FOXB1: variants seen among roughly 807,000 people sequenced by gnomAD.
FOXB1 encodes forkhead box protein B1.
Under a neutral mutation model 18.6 loss-of-function variants are expected in FOXB1, and 6 were observed. That is an observed-to-expected ratio of 0.32 (90% CI 0.18 to 0.64). The LOEUF (loss-of-function observed/expected upper bound fraction) is 0.64. FOXB1 is among the 30% of genes least tolerant of loss of function. The probability of loss-of-function intolerance (pLI) is 0.78; values close to 1 mark genes in which losing one functional copy is unlikely to be tolerated. For missense variants in FOXB1, 419 were observed against 463.6 expected (o/e 0.90, Z 0.88); for synonymous variants, 213 against 216.0 (o/e 0.99, Z 0.12).
chr15:60,005,871 G>T lies in FOXB1; in HGVS notation c.908G>T (p.Ser303Ile). The T allele has an allele frequency of 6.3e-7, 1 of 1,597,958 alleles. No homozygotes were observed. Among genetic ancestry groups the T allele is most frequent in the Non-Finnish European group, 8.5e-7 (1 of 1,173,894 alleles). ...TCCTCGCAAACAGCCACCAGCCAAAGCAGCCCCGCCACCCCCAGCGAAACG... is the reference window on the plus strand; with the variant it reads ...TCCTCGCAAACAGCCACCAGCCAAATCAGCCCCGCCACCCCCAGCGAAACG... ...PTSSQTATSQ[S>I]SPATPSETLT... Residue 303 changes from serine (S) to isoleucine (I), a missense_variant, in exon 2 of 2, where the codon AGC becomes ATC. By Grantham distance (142) the Ser-to-Ile change is moderately radical. Transcript: ENST00000396057. This position sits in a 1 kb window ranked among gnomAD's most constrained non-coding sequence, Gnocchi z 9.8.
In FOXB1 at chr15:60,005,056, G is replaced by A. The variant is rs764104037; in HGVS notation, c.93G>A (p.Glu31=). 1.2e-6 allele frequency: 2 copies of A among 1,607,370 alleles called. No individual in the cohort carries two copies. The highest frequency in any genetic ancestry group is 1.4e-5 in the African/African-American group (1 of 72,558). The change falls in exon 2 of 2, where the codon GAG becomes GAA. Residue 31 remains glutamate (E), a synonymous_variant. Coordinates refer to ENST00000396057, the MANE Select transcript of FOXB1 (RefSeq NM_012182.3). The surrounding 1 kb of genome is among the most constrained non-coding windows in gnomAD (Gnocchi z 9.8). ...CTATGGCCATCCAGAGCTCTCCCGA[G>A]AAGATGCTGCCGCTGAGCGAGATCT... is the stretch of plus-strand genomic sequence containing the variant. The part of the protein sequence containing the change: ...LTAMAIQSSP[E]KMLPLSEIYK...
At position 60,005,908 on chromosome 15, in the gene FOXB1, G is replaced by A; in HGVS notation, c.945G>A (p.Pro315=). 6.3e-7 allele frequency: 1 copy of A among 1,593,050 alleles called. No homozygotes were observed. The highest frequency in any genetic ancestry group is 8.5e-7 in the Non-Finnish European group (1 of 1,173,442). ...PATPSETLTS[P]ASALHSVAVH ...CCCCCAGCGAAACGCTCACCAGCCC[G>A]GCCTCCGCCTTGCACTCGGTGGCGG... Residue 315 remains proline, a synonymous_variant, in exon 2 of 2, where the codon CCG becomes CCA. Transcript: ENST00000396057. This position sits in a 1 kb window ranked among gnomAD's most constrained non-coding sequence, Gnocchi z 9.8.
At chr15:60,004,825 A>C in intron 1 of FOXB1, 82 bp from the exon 2 acceptor site, 1 of 187,192 alleles carries the variant, frequency 5.3e-6, no homozygotes, top group South Asian at 6.6e-5. Context: ...CGACCCCCGA[A>C]GTCTGTTACT....
At position 60,006,042 on chromosome 15, in the gene FOXB1, A is replaced by C; in HGVS notation, c.*101A>C. On this transcript the variant is annotated 3_prime_UTR_variant, in exon 2 of 2. Coordinates refer to ENST00000396057, the MANE Select transcript of FOXB1 (RefSeq NM_012182.3). ...GCCCCCACCTGGGACCGCCACCCTA[A>C]CTTGTTCATTTCACCTTCGGCCAAC... 5.2e-6 allele frequency: 7 copies of C among 1,351,338 alleles called. No homozygotes were observed. Among genetic ancestry groups the C allele is most frequent in the East Asian group, 2.6e-5 (1 of 38,064 alleles). The allele number at this position is 1,351,338 out of a possible 1,614,324, so 83.7% of individuals were successfully genotyped here.
Position 60,005,866 on chromosome 15 carries a change from C to G in FOXB1, c.903C>G (p.Ser301Arg), listed in dbSNP as rs748401698. ...CCACGTCCTCGCAAACAGCCACCAG[C>G]CAAAGCAGCCCCGCCACCCCCAGCG... ...LSPTSSQTAT[S>R]QSSPATPSET... Residue 301 changes from serine to arginine, a missense_variant, in exon 2 of 2, where the codon AGC (serine) becomes AGG (arginine). Coordinates refer to ENST00000396057, the MANE Select transcript of FOXB1 (RefSeq NM_012182.3). The surrounding 1 kb of genome is among the most constrained non-coding windows in gnomAD (Gnocchi z 9.8). 6.3e-7 allele frequency: 1 copy of G among 1,598,574 alleles called. No homozygotes were observed. Among genetic ancestry groups the G allele is most frequent in the Non-Finnish European group, 8.5e-7 (1 of 1,174,058 alleles).
At position 60,005,454 on chromosome 15, in the gene FOXB1, C is replaced by T. The variant is rs778397679; in HGVS notation, c.491C>T (p.Ser164Leu). ...AYNLGGVAQPSGFKHPFAIEN... is the reference protein window; with the variant it reads ...AYNLGGVAQPLGFKHPFAIEN... ...AACTTGGGCGGCGTGGCGCAGCCCT[C>T]GGGCTTCAAGCACCCCTTCGCCATC... The change falls in exon 2 of 2, where the codon TCG (serine) becomes TTG (leucine). Residue 164 changes from serine to leucine, a missense_variant. Transcript: ENST00000396057. This position sits in a 1 kb window ranked among gnomAD's most constrained non-coding sequence, Gnocchi z 9.8. The T allele has an allele frequency of 6.2e-7, 1 of 1,611,440 alleles. No individual in the cohort carries two copies. The highest frequency in any genetic ancestry group is 8.5e-7 in the Non-Finnish European group (1 of 1,179,446).
rs1892105381 is a variant in FOXB1 at position 60,006,817 on chromosome 15, G to A, written c.*876G>A. 6.6e-6 allele frequency: 1 copy of A among 151,820 alleles called. No individual in the cohort carries two copies. The highest frequency in any genetic ancestry group is 2.4e-5 in the African/African-American group (1 of 41,294). 9.4% of individuals were successfully genotyped at this position (151,820 alleles called of 1,614,324 possible). A position where few individuals can be genotyped will look rare whatever the true frequency, so the allele number is the denominator to read the frequency against. ...AATGTTTACTCTTCATTTCTGGCCA[G>A]GTTTAGAAAGGGAGGGAAGTGGGGA... On this transcript the variant is annotated 3_prime_UTR_variant, in exon 2 of 2. Transcript: ENST00000396057.
rs886294884 is a variant in FOXB1 at position 60,006,687 on chromosome 15, T to C, written c.*746T>C. 2.0e-5 allele frequency: 3 copies of C among 152,204 alleles called. No homozygotes were observed. The highest frequency in any genetic ancestry group is 4.4e-5 in the Non-Finnish European group (3 of 68,034). 9.4% of individuals were successfully genotyped at this position (152,204 alleles called of 1,614,324 possible). A position where few individuals can be genotyped will look rare whatever the true frequency, so the allele number is the denominator to read the frequency against. On this transcript the variant is annotated 3_prime_UTR_variant, in exon 2 of 2. Coordinates refer to ENST00000396057, the MANE Select transcript of FOXB1 (RefSeq NM_012182.3). The stretch of plus-strand genomic sequence containing the variant: ...CAAAACAAAACTAAAAGTAACCTTG[T>C]ATTGTTTACAAAGCGCCCAGTAATA...
At position 60,005,479 on chromosome 15, in the gene FOXB1, C is replaced by T; in HGVS notation, c.516C>T (p.Ile172=). 1 of 1,612,056 alleles carries T rather than the reference C, an allele frequency of 6.2e-7. No individual in the cohort carries two copies. Residue 172 remains isoleucine (I), a synonymous_variant, in exon 2 of 2, where the codon ATC becomes ATT. Transcript: ENST00000396057. The surrounding 1 kb of genome is among the most constrained non-coding windows in gnomAD (Gnocchi z 9.8). ...QPSGFKHPFA[I]ENIIAREYKM... is the part of the protein sequence containing the mutation. ...CGGGCTTCAAGCACCCCTTCGCCAT[C>T]GAGAACATCATCGCGCGGGAATACA...
chr15:60,005,044 G>C lies in FOXB1; in HGVS notation c.81G>C (p.Gln27His), dbSNP rs141578799. ...TCTCGCTGACCGCTATGGCCATCCA[G>C]AGCTCTCCCGAGAAGATGCTGCCGC... Reference protein sequence around the residue: ...SYISLTAMAIQSSPEKMLPLS... With the variant: ...SYISLTAMAIHSSPEKMLPLS... Residue 27 changes from glutamine (Q) to histidine (H), a missense_variant, in exon 2 of 2, where the codon CAG becomes CAC. Gln to His is a conservative substitution (Grantham distance 24). Coordinates refer to ENST00000396057, the MANE Select transcript of FOXB1 (RefSeq NM_012182.3). The surrounding 1 kb of genome is among the most constrained non-coding windows in gnomAD (Gnocchi z 9.8). 51 of 1,613,968 alleles carry C rather than the reference G, an allele frequency of 3.2e-5. No individual in the cohort carries two copies. The highest frequency in any genetic ancestry group is 3.8e-5 in the Non-Finnish European group (45 of 1,180,016).
In FOXB1 at chr15:60,005,959, C is replaced by A; in HGVS notation, c.*18C>A. On this transcript the variant is annotated 3_prime_UTR_variant, in exon 2 of 2. Coordinates refer to ENST00000396057, the MANE Select transcript of FOXB1 (RefSeq NM_012182.3). The surrounding 1 kb of genome is among the most constrained non-coding windows in gnomAD (Gnocchi z 9.8). ...TGCACTGACCCGCAGGAGCCCACGC[C>A]CCCTCTCGTTCTCCTCCCCACCACC... 1 of 1,562,098 alleles carries A rather than the reference C, an allele frequency of 6.4e-7. No individual in the cohort carries two copies. The highest frequency in any genetic ancestry group is 8.6e-7 in the Non-Finnish European group (1 of 1,159,356).
In FOXB1 at chr15:60,005,705, C is replaced by G. The variant is rs760971804; in HGVS notation, c.742C>G (p.Leu248Val). 2 of 1,604,976 alleles carry G rather than the reference C, an allele frequency of 1.2e-6. No individual in the cohort carries two copies. Residue 248 changes from leucine to valine, a missense_variant, in exon 2 of 2, where the codon CTG becomes GTG. By Grantham distance (32) the Leu-to-Val change is conservative. This residue lies in a region of FOXB1 where 195 missense variants were observed against 179.8 expected (regional missense o/e 1.08). Coordinates refer to ENST00000396057, the MANE Select transcript of FOXB1 (RefSeq NM_012182.3). This position sits in a 1 kb window ranked among gnomAD's most constrained non-coding sequence, Gnocchi z 9.8. ...YSAYGVPLKP[L>V]CHAAGQTLPA... is the part of the protein sequence containing the mutation. ...CGCCTACGGCGTGCCGTTGAAGCCG[C>G]TGTGCCACGCGGCGGGCCAAACGCT...
At position 60,006,076 on chromosome 15, in the gene FOXB1, CCCCAAGAGAACTTTGTTTTGGA is replaced by C; in HGVS notation, c.*140_*161del. 3.4e-6 allele frequency: 4 copies of C among 1,173,332 alleles called. No individual in the cohort carries two copies. Among genetic ancestry groups the C allele is most frequent in the Non-Finnish European group, 4.6e-6 (4 of 864,294 alleles). The allele number at this position is 1,173,332 out of a possible 1,614,324, so 72.7% of individuals were successfully genotyped here. On this transcript the variant is annotated 3_prime_UTR_variant, in exon 2 of 2. Transcript: ENST00000396057. ...TTTCACCTTCGGCCAACCCGCCTTG[CCCCAAGAGAACTTTGTTTTGGA>C]CCCAGGAGACCAAACACAAACTTGC...
In FOXB1 at chr15:60,005,849, T is replaced by C. The variant is rs750900043; in HGVS notation, c.886T>C (p.Ser296Pro). The C allele has an allele frequency of 8.7e-6, 14 of 1,601,590 alleles. No homozygotes were observed. Among genetic ancestry groups the C allele is most frequent in the Middle Eastern group, 3.3e-4 (2 of 6,044 alleles). ...NSPPSLSPTS[S>P]QTATSQSSPA... The stretch of plus-strand genomic sequence containing the variant: ...GCCGCCCTCGCTCAGCCCCACGTCC[T>C]CGCAAACAGCCACCAGCCAAAGCAG... Residue 296 changes from serine to proline, a missense_variant, in exon 2 of 2, where the codon TCG (serine) becomes CCG (proline). Ser to Pro is a moderately conservative substitution (Grantham distance 74). Coordinates refer to ENST00000396057, the MANE Select transcript of FOXB1 (RefSeq NM_012182.3). This position sits in a 1 kb window ranked among gnomAD's most constrained non-coding sequence, Gnocchi z 9.8.
At position 60,005,744 on chromosome 15, in the gene FOXB1, G is replaced by T; in HGVS notation, c.781G>T (p.Val261Leu). The T allele has an allele frequency of 1.2e-6, 2 of 1,602,516 alleles. No individual in the cohort carries two copies. Among genetic ancestry groups the T allele is most frequent in the Non-Finnish European group, 1.7e-6 (2 of 1,177,948 alleles). ...AAGQTLPAIPVPIKPTPAAVP... is the reference protein window; with the variant it reads ...AAGQTLPAIPLPIKPTPAAVP... ...GGGCCAAACGCTGCCCGCCATCCCC[G>T]TGCCCATTAAGCCCACGCCGGCCGC... The change falls in exon 2 of 2, where the codon GTG becomes TTG. Residue 261 changes from valine to leucine, a missense_variant. Physicochemically the swap from Val to Leu is conservative, Grantham distance 32. Coordinates refer to ENST00000396057, the MANE Select transcript of FOXB1 (RefSeq NM_012182.3). This position sits in a 1 kb window ranked among gnomAD's most constrained non-coding sequence, Gnocchi z 9.8.
rs1567133724 is a variant in FOXB1 at position 60,005,414 on chromosome 15, C to CACG, written c.451_452insACG (p.Pro151delinsHisAla). 6.2e-7 allele frequency: 1 copy of CACG among 1,607,436 alleles called. No individual in the cohort carries two copies. Among genetic ancestry groups the CACG allele is most frequent in the Admixed American group, 1.7e-5 (1 of 59,540 alleles). On this transcript the variant is annotated protein_altering_variant, in exon 2 of 2. Transcript: ENST00000396057. This position sits in a 1 kb window ranked among gnomAD's most constrained non-coding sequence, Gnocchi z 9.8. ...CTCGGGCACGCACCTGCCACAGATG[C>CACG]CCGCCGCCGCCTACAACTTGGGCGG...
Position 60,007,113 on chromosome 15 carries a change from A to AGGATAG in FOXB1, c.*1172_*1173insGGATAG, listed in dbSNP as rs1892109459. 1 of 152,150 alleles carries AGGATAG rather than the reference A, an allele frequency of 6.6e-6. No homozygotes were observed. The highest frequency in any genetic ancestry group is 1.5e-5 in the Non-Finnish European group (1 of 68,038). The allele number at this position is 152,150 out of a possible 1,614,324, so 9.4% of individuals were successfully genotyped here. On this transcript the variant is annotated 3_prime_UTR_variant, in exon 2 of 2. Coordinates refer to ENST00000396057, the MANE Select transcript of FOXB1 (RefSeq NM_012182.3). Reference sequence around the variant, plus strand: ...TAAAGGGCTGCAAAGAGATGTAAATACTTGTGAATAGGAATGATTATACAC... The same window carrying AGGATAG: ...TAAAGGGCTGCAAAGAGATGTAAATAGGATAGCTTGTGAATAGGAATGATTATACAC...
chr15:60,004,958 A>T lies in FOXB1; in HGVS notation c.-6A>T. The T allele has an allele frequency of 1.2e-6, 2 of 1,607,624 alleles. No individual in the cohort carries two copies. Among genetic ancestry groups the T allele is most frequent in the Non-Finnish European group, 1.7e-6 (2 of 1,176,310 alleles). On this transcript the variant is annotated 5_prime_UTR_variant, in exon 2 of 2. Coordinates refer to ENST00000396057, the MANE Select transcript of FOXB1 (RefSeq NM_012182.3). Reference sequence around the variant, plus strand: ...GACCCAGAGCAAGAAGAGGGCGAGGAAGAAGATGCCTCGGCCCGGCCGCAA... The same window carrying T: ...GACCCAGAGCAAGAAGAGGGCGAGGTAGAAGATGCCTCGGCCCGGCCGCAA...
Position 60,005,727 on chromosome 15 carries a change from C to T in FOXB1, c.764C>T (p.Thr255Met), listed in dbSNP as rs976222022. Reference sequence around the variant, plus strand: ...CCGCTGTGCCACGCGGCGGGCCAAACGCTGCCCGCCATCCCCGTGCCCATT... The same window carrying T: ...CCGCTGTGCCACGCGGCGGGCCAAATGCTGCCCGCCATCCCCGTGCCCATT... ...LKPLCHAAGQ[T>M]LPAIPVPIKP... The change falls in exon 2 of 2, where the codon ACG becomes ATG. Residue 255 changes from threonine (T) to methionine (M), a missense_variant. This residue lies in a region of FOXB1 where 195 missense variants were observed against 179.8 expected (regional missense o/e 1.08). Coordinates refer to ENST00000396057, the MANE Select transcript of FOXB1 (RefSeq NM_012182.3). The surrounding 1 kb of genome is among the most constrained non-coding windows in gnomAD (Gnocchi z 9.8). 2 of 1,602,512 alleles carry T rather than the reference C, an allele frequency of 1.2e-6. No homozygotes were observed. The highest frequency in any genetic ancestry group is 2.2e-5 in the South Asian group (2 of 90,654).
Sources: gnomAD v4.1 joint callset for allele counts on GRCh38, gnomAD v4.1.1 for gene constraint, gnomAD v4.1.1 regional missense constraint, Gnocchi (gnomAD v3.1) non-coding constraint, MANE v1.5 for transcripts, NCBI Gene and HGNC (gene_info 2026-07-23, HGNC 2026-07-21) for gene names.